IP6K1: variants seen among roughly 807,000 people sequenced by gnomAD.
The protein encoded by IP6K1 is ATP:1D-myo-inositol-hexakisphosphate phosphotransferase.
A neutral mutation model predicts 38.3 loss-of-function variants in IP6K1; 13 were observed. The observed-to-expected ratio is 0.34, with a 90% CI of 0.22 to 0.54. IP6K1 has a LOEUF of 0.54. Among genes scored for constraint, IP6K1 ranks in the 20% least tolerant of loss-of-function variants. The pLI, the probability that IP6K1 is intolerant of heterozygous loss-of-function variation, is 0.92. For synonymous variants in IP6K1, 212 were observed against 229.9 expected (o/e 0.92, Z 0.70); for missense variants, 397 against 599.8 (o/e 0.66, Z 3.53).
At chr3:49,741,978 A>G (rs1051683411) in intron 2 of IP6K1, among the ~76,000 whole-genome samples, 1 of 152,144 alleles carries the variant, frequency 6.6e-6, no homozygotes, top group African/African-American at 2.4e-5. Context: ...TTTAAAGGCC[A>G]TAATATGAGA....
At chr3:49,728,941 C>A (rs1337101178) in intron 4 of IP6K1, among the ~76,000 whole-genome samples, 1 of 147,214 alleles carries the variant, frequency 6.8e-6, no homozygotes, top group Non-Finnish European at 1.5e-5. Context: ...ACAACTAGGA[C>A]TACAGGCATG....
intron 1 of IP6K1, among the ~76,000 whole-genome samples, chr3:49,753,371 C>A (rs2080795478): frequency 6.6e-6 from 1 of 152,100 alleles, no homozygotes; most frequent in African/African-American, 2.4e-5. Context: ...AAAGGTCTAT[C>A]CTACCCTCCC....
chr3:49,766,491 C>T (rs2080912358), intron 1 of IP6K1, among the ~76,000 whole-genome samples: 1 of 151,530 alleles, frequency 6.6e-6, no homozygotes, highest in African/African-American at 2.4e-5. Context: ...TGGTGAAACT[C>T]TGTCTCTACT....
At chr3:49,775,563 AAGAC>A (rs1198356483) in intron 1 of IP6K1, 1 of 1,045,494 alleles carries the variant, frequency 9.6e-7, no homozygotes, top group Non-Finnish European at 1.4e-6. Context: ...GGGGAGCTCT[AAGAC>A]AGACCTCTTC....
intron 1 of IP6K1, among the ~76,000 whole-genome samples, chr3:49,765,996 G>A (rs2080908169): frequency 6.6e-6 from 1 of 151,908 alleles, no homozygotes. Context: ...CTAACATGGT[G>A]AAAGCCCGTC....
At chr3:49,732,689 A>G in intron 4 of IP6K1, 102 bp downstream of exon 4, 1 of 887,584 alleles carries the variant, frequency 1.1e-6, no homozygotes, top group East Asian at 2.6e-5. Context: ...ATTAAACCGA[A>G]GAGGGACCCT....
At chr3:49,764,724 C>A (rs369968119) in intron 1 of IP6K1, among the ~76,000 whole-genome samples, 1 of 151,890 alleles carries the variant, frequency 6.6e-6, no homozygotes, top group South Asian at 2.1e-4. Flanking sequence ...ACTACAAATA[C>A]AAAAATTAGC....
intron 1 of IP6K1, among the ~76,000 whole-genome samples, chr3:49,756,928 G>A (rs1472809972): frequency 6.6e-6 from 1 of 151,952 alleles, no homozygotes; most frequent in African/African-American, 2.4e-5. Flanking sequence ...GATTACCTGT[G>A]CTGTGACAAA....
At position 49,747,838 on chromosome 3, in the gene IP6K1, T is replaced by C; in HGVS notation, c.203A>G (p.Glu68Gly). Residue 68 changes from glutamate to glycine, a missense_variant, in exon 2 of 6, where the codon GAG (glutamate) becomes GGG (glycine). Physicochemically the swap from Glu to Gly is moderately conservative, Grantham distance 98. Around this residue, in one of 3 missense-constraint regions of IP6K1, gnomAD observed 171 missense variants for 237.0 expected, o/e 0.72. Transcript: ENST00000321599. ...CTGACCTTTGTATTCAGGGGTGAAC[T>C]CCTTCATTTCGGGAGGGAGGGACTC... ...FYESLPPEMK[E>G]FTPEYKGVVS... 1 of 1,614,098 alleles carries C rather than the reference T, an allele frequency of 6.2e-7. No homozygotes were observed. The highest frequency in any genetic ancestry group is 8.5e-7 in the Non-Finnish European group (1 of 1,179,992).
rs1006426083 is a variant in IP6K1, at chr3:49,734,789, G to A, written c.435-1817C>T. Reference sequence around the variant, plus strand: ...ATGTAAACCCAAAGAAGTTCTCTGCGTCTGGATGAAGCCCCCACGGTACTT... The same window carrying A: ...ATGTAAACCCAAAGAAGTTCTCTGCATCTGGATGAAGCCCCCACGGTACTT... On this transcript the variant is annotated intron_variant, in intron 3 of 5. Transcript: ENST00000321599. 2.0e-5 allele frequency among the ~76,000 whole-genome samples: 3 copies of A among 152,166 alleles called. No homozygotes were observed. In the South Asian group the frequency reaches 6.2e-4, roughly 31 times the overall value.
intron 1 of IP6K1, among the ~76,000 whole-genome samples, chr3:49,768,086 G>T (rs749774963): frequency 6.6e-6 from 1 of 151,266 alleles, no homozygotes; most frequent in Admixed American, 6.6e-5. Flanking sequence ...TGAAGAAATT[G>T]TAACACTTGT....
intron 1 of IP6K1, among the ~76,000 whole-genome samples, chr3:49,765,397 T>G (rs984238795): frequency 4.7e-5 from 7 of 150,130 alleles, no homozygotes; most frequent in Non-Finnish European, 7.4e-5. Context: ...ATCCCAGCAC[T>G]TTGGGAGGCC....
intron 2 of IP6K1, among the ~76,000 whole-genome samples, chr3:49,743,992 G>A (rs1476911537): frequency 2.0e-5 from 3 of 152,132 alleles, no homozygotes; most frequent in Non-Finnish European, 4.4e-5. Context: ...TTACTGTGTT[G>A]TAATGTCTAA....
At chr3:49,740,363 C>A (rs1453464223) in intron 2 of IP6K1, among the ~76,000 whole-genome samples, 1 of 151,716 alleles carries the variant, frequency 6.6e-6, no homozygotes, top group Non-Finnish European at 1.5e-5. Context: ...AGCCACCATG[C>A]CCAGCCATTT....
intron 1 of IP6K1, among the ~76,000 whole-genome samples, chr3:49,782,254 T>C (rs1239557468): frequency 1.3e-5 from 2 of 151,254 alleles, no homozygotes; most frequent in Non-Finnish European, 2.9e-5. Flanking sequence ...CACTGCAACC[T>C]CCACCTCCCA....
chr3:49,739,114 A>G (rs1469232176), intron 2 of IP6K1, among the ~76,000 whole-genome samples: 3 of 152,168 alleles, frequency 2.0e-5, no homozygotes, highest in Non-Finnish European at 1.5e-5. Flanking sequence ...TTAAAAATAC[A>G]TATATCCAGA....
At chr3:49,731,907 G>GAAA in intron 4 of IP6K1, among the ~76,000 whole-genome samples, 1 of 69,038 alleles carries the variant, frequency 1.4e-5, no homozygotes, top group Non-Finnish European at 3.2e-5. Context: ...AAAAAAAAAG[G>GAAA]AATTCCTATG....
At chr3:49,776,045 G>A (rs955001809) in intron 1 of IP6K1, among the ~76,000 whole-genome samples, 3 of 151,424 alleles carry the variant, frequency 2.0e-5, no homozygotes, top group East Asian at 3.9e-4. Context: ...GGTGTATGGT[G>A]GGAAGCTATC....
chr3:49,760,623 C>CAA (rs56070382), intron 1 of IP6K1, among the ~76,000 whole-genome samples: 31 of 100,130 alleles, frequency 3.1e-4, no homozygotes, highest in Admixed American at 5.7e-4. Flanking sequence ...GACTTCGTCT[C>CAA]AAAAAAAAAA....
Sources: allele counts gnomAD v4.1 joint callset (sites outside exome capture counted in the v4.1 genomes callset), GRCh38; gene constraint gnomAD v4.1.1; regional missense constraint gnomAD v4.1.1; transcripts MANE v1.5; gene names NCBI Gene and HGNC (gene_info 2026-07-23, HGNC 2026-07-21).